The following NFYC variants were observed in gnomAD, a reference collection of about 807,000 sequenced individuals.
NFYC encodes the protein nuclear transcription factor Y subunit gamma.
A neutral mutation model predicts 53.1 loss-of-function variants in NFYC; 25 were observed. The ratio of observed to expected loss-of-function variants is 0.47; its 90% CI spans 0.34 to 0.66. The LOEUF (loss-of-function observed/expected upper bound fraction) is 0.66. Among genes scored for constraint, NFYC ranks in the 30% least tolerant of loss-of-function variants. NFYC has a pLI of 0.01. For missense variants in NFYC, 260 were observed against 422.7 expected, an observed-to-expected ratio of 0.62 and a Z score of 3.38; for synonymous variants, 145 against 152.6, an observed-to-expected ratio of 0.95 and a Z score of 0.37.
At chr1:40,768,471 TTTTGGCCATGGTGAGGACA>T (rs1426642782) in intron 8 of NFYC, among the ~76,000 whole-genome samples, 6 of 152,210 alleles carry the variant, frequency 3.9e-5, no homozygotes, top group Non-Finnish European at 8.8e-5. Context: ...CAGGGGTTGT[TTTTGGCCATGGTGAGGACA>T]TTTGAGAGGA....
intron 6 of NFYC, among the ~76,000 whole-genome samples, chr1:40,761,229 C>T (rs1570711741): frequency 6.6e-6 from 1 of 152,228 alleles, no homozygotes. Context: ...CTGTGCTCCT[C>T]TCTGCCAACC....
Position 40,740,776 on chromosome 1 carries a change from G to T in NFYC, c.105+1828G>T, listed in dbSNP as rs983327887. ...GTCAGCTTGGTGTAAAATGAATGCT[G>T]TCCTGGGGTGTGGTGGGACTAGGCC... On this transcript the variant is annotated intron_variant, in intron 2 of 9. Coordinates refer to ENST00000447388, the MANE Select transcript of NFYC (RefSeq NM_014223.5). Among the ~76,000 whole-genome samples, 4 of 152,168 alleles carry T rather than the reference G, an allele frequency of 2.6e-5. 1 individual carries two copies. Among genetic ancestry groups the T allele is most frequent in the African/African-American group, 9.7e-5 (4 of 41,432 alleles).
chr1:40,768,715 G>C (rs1646941249), intron 8 of NFYC: 1 of 152,506 alleles, frequency 6.6e-6, no homozygotes, highest in African/African-American at 2.4e-5. Context: ...AAGATTTTAA[G>C]TACTTGTGAT....
In NFYC at chr1:40,758,309, G is replaced by A. The variant is rs773524873; in HGVS notation, c.561+15G>A. 6.3e-7 allele frequency: 1 copy of A among 1,595,090 alleles called. No homozygotes were observed. The highest frequency in any genetic ancestry group is 8.6e-7 in the Non-Finnish European group (1 of 1,169,034). ...AGCAGGGCCAGGTCTGTGAGCTGCT[G>A]AGGATGCCCATCCAGCAAGACAGTG... On this transcript the variant is annotated intron_variant, in intron 6 of 9. Coordinates refer to ENST00000447388, the MANE Select transcript of NFYC (RefSeq NM_014223.5).
intron 1 of NFYC, 89 bp downstream of exon 1, chr1:40,691,956 C>G: frequency 6.3e-6 from 2 of 316,972 alleles, no homozygotes; most frequent in Non-Finnish European, 1.2e-5. Flanking sequence ...CGCCAGAGAC[C>G]TCACTTCCTC....
In NFYC at chr1:40,691,709, C is replaced by A. The variant is rs1642802701; in HGVS notation, c.-167C>A. On this transcript the variant is annotated 5_prime_UTR_variant, in exon 1 of 10. Transcript: ENST00000447388. Reference sequence around the variant, plus strand: ...AAGGGAAAAGGGGAAACGGTGCAAACGGCGTGGCCGCCATCTTGCTTGTGC... The same window carrying A: ...AAGGGAAAAGGGGAAACGGTGCAAAAGGCGTGGCCGCCATCTTGCTTGTGC... 2.2e-6 allele frequency: 1 copy of A among 453,748 alleles called. No homozygotes were observed. The highest frequency in any genetic ancestry group is 4.4e-6 in the Non-Finnish European group (1 of 225,716). The allele number at this position is 453,748 out of a possible 1,614,324, so 28.1% of individuals were successfully genotyped here.
At chr1:40,728,647 T>G (rs1048528130) in intron 1 of NFYC, among the ~76,000 whole-genome samples, 1 of 151,986 alleles carries the variant, frequency 6.6e-6, no homozygotes, top group Admixed American at 6.5e-5. Context: ...GTTTTTTGTT[T>G]TGTTTTTTGA....
intron 1 of NFYC, among the ~76,000 whole-genome samples, chr1:40,734,607 C>T (rs971294688): frequency 3.9e-5 from 6 of 152,104 alleles, no homozygotes; most frequent in East Asian, 1.9e-4. Context: ...GTGATCCACC[C>T]GCCTTGGCCT....
Position 40,753,301 on chromosome 1 carries a change from G to GT in NFYC, c.387+56dup, listed in dbSNP as rs1433339345. 10 of 1,188,276 alleles carry GT rather than the reference G, an allele frequency of 8.4e-6. No individual in the cohort carries two copies. In the Admixed American group the frequency reaches 1.4e-4, roughly 16 times the overall value. 73.6% of individuals were successfully genotyped at this position (1,188,276 alleles called of 1,614,324 possible). ...TGACTGAAGAGCGCTTTGTATACTGGTGTCAGATACGCTCCTTCTCTCTCA... is the reference window on the plus strand; with the variant it reads ...TGACTGAAGAGCGCTTTGTATACTGGTTGTCAGATACGCTCCTTCTCTCTCA... On this transcript the variant is annotated intron_variant, in intron 5 of 9. Transcript: ENST00000447388.
chr1:40,769,141 C>G (rs957294694), intron 8 of NFYC: 3 of 554,122 alleles, frequency 5.4e-6, no homozygotes, highest in African/African-American at 3.8e-5. Flanking sequence ...ATTATGTGCT[C>G]CAGGATTCTC....
intron 3 of NFYC, among the ~76,000 whole-genome samples, chr1:40,749,132 T>C (rs1328461038): frequency 6.6e-6 from 1 of 152,190 alleles, no homozygotes. Flanking sequence ...TGAAAGGTTA[T>C]CCTCTTTTTC....
Position 40,766,592 on chromosome 1 carries a change from C to G in NFYC, c.721-4C>G. 1 of 1,611,682 alleles carries G rather than the reference C, an allele frequency of 6.2e-7. No homozygotes were observed. Among genetic ancestry groups the G allele is most frequent in the Non-Finnish European group, 8.5e-7 (1 of 1,178,140 alleles). ...TGGTCTCTTTGTCTCTGCCCCTGCC[C>G]TAGGTGCAGCTGAATGCCGGCCAGC... On this transcript the variant is annotated splice_polypyrimidine_tract_variant and splice_region_variant and intron_variant, in intron 7 of 9. Transcript: ENST00000447388.
chr1:40,766,836 A>G, intron 8 of NFYC, 133 bp downstream of exon 8: 2 of 1,503,558 alleles, frequency 1.3e-6, no homozygotes, highest in African/African-American at 2.8e-5. Context: ...CACACCCTCC[A>G]TATCCTTCTG....
At chr1:40,726,099 GTATGTGTT>G (rs1644502711) in intron 1 of NFYC, among the ~76,000 whole-genome samples, 1 of 122,492 alleles carries the variant, frequency 8.2e-6, no homozygotes, top group African/African-American at 2.5e-5. Context: ...CAATTTCTGT[GTATGTGTT>G]TGTGTGTGTG....
intron 8 of NFYC, chr1:40,766,904 A>G (rs1382334381): frequency 2.6e-6 from 4 of 1,551,978 alleles, no homozygotes; most frequent in Non-Finnish European, 8.7e-7. Flanking sequence ...TTCTCTTACC[A>G]TCTTGTTCTC....
intron 1 of NFYC, among the ~76,000 whole-genome samples, chr1:40,694,456 G>A (rs940317693): frequency 6.6e-6 from 1 of 152,146 alleles, no homozygotes; most frequent in Non-Finnish European, 1.5e-5. Context: ...TTACAATAAC[G>A]TTTCACTGTG....
At chr1:40,756,543 C>T (rs17357062) in intron 5 of NFYC, among the ~76,000 whole-genome samples, 4,492 of 152,204 alleles carry the variant, frequency 0.03, 89 homozygotes, top group Non-Finnish European at 0.043. Context: ...ACTGGCAGTC[C>T]TAGTTTTAGT....
At chr1:40,738,387 G>C (rs991680086) in intron 1 of NFYC, among the ~76,000 whole-genome samples, 5 of 152,146 alleles carry the variant, frequency 3.3e-5, no homozygotes, top group Non-Finnish European at 7.4e-5. Context: ...TAATCACTGG[G>C]GACTTTTAAT....
chr1:40,730,683 C>G, intron 1 of NFYC: 1 of 796,790 alleles, frequency 1.3e-6, no homozygotes, highest in Non-Finnish European at 1.5e-6. Flanking sequence ...GGAACTCAAC[C>G]CAAAAAGCCT....
Sources: allele counts gnomAD v4.1 joint callset (sites outside exome capture counted in the v4.1 genomes callset), GRCh38; gene constraint gnomAD v4.1.1; transcripts MANE v1.5; gene names NCBI Gene and HGNC (gene_info 2026-07-23, HGNC 2026-07-21).